Variants in XYLT1 observed in about 807,000 individuals in gnomAD.
The protein encoded by XYLT1 is xylosyltransferase 1, also known as beta-D-xylosyltransferase 1.
In XYLT1, 36 loss-of-function variants were observed where a neutral mutation model predicts 91.3. The ratio of observed to expected loss-of-function variants is 0.39; its 90% CI spans 0.30 to 0.52. The LOEUF is 0.52. Ranked by LOEUF, XYLT1 falls within the 20% of genes least tolerant of loss-of-function variation. The pLI, the probability that XYLT1 is intolerant of heterozygous loss-of-function variation, is 0.68. For synonymous variants in XYLT1, 588 were observed against 532.0 expected, an observed-to-expected ratio of 1.11 and a Z score of -1.45; for missense variants, 1,242 against 1,284.5, an observed-to-expected ratio of 0.97 and a Z score of 0.51.
At chr16:17,311,677 C>T (rs1350664201) in intron 2 of XYLT1, among the ~76,000 whole-genome samples, 3 of 152,086 alleles carry the variant, frequency 2.0e-5, no homozygotes, top group East Asian at 1.9e-4. Context: ...TTCCTTTCCC[C>T]CTTGTGTGTA....
chr16:17,387,383 A>T (rs532904606), intron 1 of XYLT1, among the ~76,000 whole-genome samples: 1 of 152,164 alleles, frequency 6.6e-6, no homozygotes, highest in Non-Finnish European at 1.5e-5. Flanking sequence ...CCTTTGAAAA[A>T]TGGGGATATT....
intron 1 of XYLT1, among the ~76,000 whole-genome samples, chr16:17,427,489 A>AC (rs2036334311): frequency 6.6e-6 from 1 of 152,172 alleles, no homozygotes; most frequent in Non-Finnish European, 1.5e-5. Context: ...ACAGACCCTC[A>AC]CTGTGTTCTC....
At chr16:17,458,972 C>T (rs2036780025) in intron 1 of XYLT1, among the ~76,000 whole-genome samples, 1 of 151,906 alleles carries the variant, frequency 6.6e-6, no homozygotes, top group Non-Finnish European at 1.5e-5. Context: ...GTCTAGGATA[C>T]TCGGATGTGT....
intron 1 of XYLT1, among the ~76,000 whole-genome samples, chr16:17,360,325 C>T (rs575499682): frequency 6.6e-6 from 1 of 152,292 alleles, no homozygotes; most frequent in Admixed American, 6.5e-5. Flanking sequence ...ACAAGACTTT[C>T]CTTGGGAAGT....
At chr16:17,157,788 G>T (rs1239906178) in intron 6 of XYLT1, among the ~76,000 whole-genome samples, 2 of 152,050 alleles carry the variant, frequency 1.3e-5, no homozygotes, top group Non-Finnish European at 2.9e-5. Context: ...TCACTCTCTT[G>T]CCCAGGGTGG....
chr16:17,374,683 C>CA (rs1229301302), intron 1 of XYLT1, among the ~76,000 whole-genome samples: 6 of 149,024 alleles, frequency 4.0e-5, no homozygotes, highest in South Asian at 4.2e-4. Context: ...ACATGAAAGT[C>CA]AAAAAAAATC....
intron 2 of XYLT1, among the ~76,000 whole-genome samples, chr16:17,326,860 C>CA (rs569125774): frequency 4.2e-4 from 63 of 151,300 alleles, no homozygotes; most frequent in East Asian, 3.5e-3. Context: ...AAAAACACAA[C>CA]AAAAAAAACA....
At chr16:17,121,755 C>T (rs1038926403) in intron 10 of XYLT1, among the ~76,000 whole-genome samples, 1 of 152,062 alleles carries the variant, frequency 6.6e-6, no homozygotes. Context: ...TATCCCCCAA[C>T]CCTTGCCCAT....
intron 3 of XYLT1, among the ~76,000 whole-genome samples, chr16:17,231,548 C>T (rs146499479): frequency 7.3e-4 from 111 of 152,200 alleles, no homozygotes; most frequent in Non-Finnish European, 1.4e-3. Context: ...GGATACATTC[C>T]GAGGAGTGGA....
At position 17,138,462 on chromosome 16, in the gene XYLT1, T is replaced by G; in HGVS notation, c.1657A>C (p.Thr553Pro). 1 of 1,614,136 alleles carries G rather than the reference T, an allele frequency of 6.2e-7. No homozygotes were observed. The highest frequency in any genetic ancestry group is 8.5e-7 in the Non-Finnish European group (1 of 1,179,996). ...CAGCCCAGCTTGCGATTCCAGTTGG[T>G]GATGCGCAGGTTGTTGTCCACCATG... ...DTMVDNNLRI[T>P]NWNRKLGCKC... Residue 553 changes from threonine to proline, a missense_variant, in exon 8 of 12, where the codon ACC becomes CCC. Thr to Pro is a conservative substitution (Grantham distance 38). Coordinates refer to ENST00000261381, the MANE Select transcript of XYLT1 (RefSeq NM_022166.4).
chr16:17,195,951 T>A (rs2032419702), intron 5 of XYLT1, among the ~76,000 whole-genome samples: 1 of 152,216 alleles, frequency 6.6e-6, no homozygotes, highest in Non-Finnish European at 1.5e-5. Flanking sequence ...TGAACAAAAT[T>A]GTGGTAAGTA....
At chr16:17,115,312 TA>T (rs869095502) in intron 11 of XYLT1, among the ~76,000 whole-genome samples, 905 of 48,814 alleles carry the variant, frequency 0.019, 8 homozygotes, top group African/African-American at 0.044. Flanking sequence ...CAAAAATAGT[TA>T]AAAAAAAAAA....
At chr16:17,218,362 G>T (rs1329034753) in intron 3 of XYLT1, among the ~76,000 whole-genome samples, 2 of 146,410 alleles carry the variant, frequency 1.4e-5, no homozygotes, top group Non-Finnish European at 3.0e-5. Flanking sequence ...GCGGACTTTT[G>T]TTTTTTTTTT....
At position 17,108,857 on chromosome 16, in the gene XYLT1, C is replaced by T. The variant is rs747302558; in HGVS notation, c.2718G>A (p.Leu906=). The change falls in exon 12 of 12, where the codon CTG becomes CTA. Residue 906 remains leucine (L), a synonymous_variant. Transcript: ENST00000261381. ...TCCACATCCCGCCCACCAACGAGTC[C>T]AGCCATCCCTCCAGCGCTGTGCCCG... The part of the protein sequence containing the change: ...ASTGTALEGW[L]DSLVGGMWTA... 1 of 1,613,336 alleles carries T rather than the reference C, an allele frequency of 6.2e-7. No individual in the cohort carries two copies. Among genetic ancestry groups the T allele is most frequent in the Non-Finnish European group, 8.5e-7 (1 of 1,179,880 alleles).
intron 3 of XYLT1, among the ~76,000 whole-genome samples, chr16:17,257,296 C>A (rs955903518): frequency 3.3e-5 from 5 of 152,142 alleles, no homozygotes; most frequent in South Asian, 4.2e-4. Flanking sequence ...AAATCTAGGC[C>A]CTGAGAGCAG....
At chr16:17,414,318 G>A (rs2036152894) in intron 1 of XYLT1, among the ~76,000 whole-genome samples, 1 of 152,004 alleles carries the variant, frequency 6.6e-6, no homozygotes, top group African/African-American at 2.4e-5. Context: ...CATTTATTTG[G>A]TGGGCTTCAT....
At chr16:17,310,671 A>G (rs2034534200) in intron 2 of XYLT1, among the ~76,000 whole-genome samples, 1 of 152,196 alleles carries the variant, frequency 6.6e-6, no homozygotes, top group African/African-American at 2.4e-5. Context: ...TAACATGGCG[A>G]AACCCCATCT....
At chr16:17,405,207 C>T (rs2036017271) in intron 1 of XYLT1, among the ~76,000 whole-genome samples, 2 of 152,206 alleles carry the variant, frequency 1.3e-5, no homozygotes, top group African/African-American at 2.4e-5. Flanking sequence ...CCCCAGGCAG[C>T]AGCACAACAT....
At chr16:17,399,396 A>ACCTTC in intron 1 of XYLT1, among the ~76,000 whole-genome samples, 1 of 152,170 alleles carries the variant, frequency 6.6e-6, no homozygotes, top group South Asian at 2.1e-4. Context: ...GGGTGTGGAC[A>ACCTTC]ACTCCAGGCC....
Sources: gnomAD v4.1 joint callset for allele counts (sites outside exome capture counted in the v4.1 genomes callset) on GRCh38, gnomAD v4.1.1 for gene constraint, MANE v1.5 for transcripts, NCBI Gene and HGNC (gene_info 2026-07-23, HGNC 2026-07-21) for gene names.